Variants in SHROOM4 observed in about 807,000 individuals in gnomAD.
The protein encoded by SHROOM4 is protein Shroom4.
In SHROOM4, 17 loss-of-function variants were observed where a neutral mutation model predicts 80.3. That is an observed-to-expected ratio of 0.21 (90% CI 0.14 to 0.32). The LOEUF (loss-of-function observed/expected upper bound fraction) is 0.32. Among genes scored for constraint, SHROOM4 ranks in the 10% least tolerant of loss-of-function variants. SHROOM4 has a pLI of 1.00. For synonymous variants in SHROOM4, 400 were observed against 437.5 expected, an observed-to-expected ratio of 0.91 and a Z score of 1.07; for missense variants, 993 against 1,140.3, an observed-to-expected ratio of 0.87 and a Z score of 1.86.
rs192712786 is a variant in SHROOM4, at chrX:50,596,773, C to A, written c.4404G>T (p.Leu1468=). The A allele has an allele frequency of 2.5e-6, 3 of 1,211,959 alleles. No homozygotes were observed. Among genetic ancestry groups the A allele is most frequent in the Non-Finnish European group, 3.4e-6 (3 of 895,512 alleles). Residue 1468 remains leucine, a synonymous_variant, in exon 9 of 9, where the codon CTG becomes CTT. Transcript: ENST00000376020. Reference sequence around the variant, plus strand: ...CTTCCCCGAGCTTGATCTTCTCCTCCAGCTCTCGCTGTTCAATGATGAGAG... The same window carrying A: ...CTTCCCCGAGCTTGATCTTCTCCTCAAGCTCTCGCTGTTCAATGATGAGAG... The part of the protein sequence containing the change: ...KSALIIEQRE[L]EEKIKLGEEQ...
chrX:50,719,902 C>T (rs1320423569), intron 1 of SHROOM4, among the ~76,000 whole-genome samples: 3 of 112,188 alleles, frequency 2.7e-5, no homozygotes, highest in Middle Eastern at 4.2e-3. Context: ...AGCAAGGAAA[C>T]TTTTCTCCCT....
In SHROOM4 at chrX:50,773,572, T is replaced by C. The variant is rs187442800; in HGVS notation, c.117+40330A>G. On this transcript the variant is annotated intron_variant, in intron 1 of 8. Transcript: ENST00000376020. ...GAGTTTCAACGATTCATGATTTTTG[T>C]CTTATGTGCTAATTTTAGTACATGA... Among the ~76,000 whole-genome samples, 14 of 112,551 alleles carry C rather than the reference T, an allele frequency of 1.2e-4. No individual in the cohort carries two copies. In the East Asian group the frequency reaches 3.9e-3, roughly 31 times the overall value.
At chrX:50,706,849 C>G (rs782333270) in intron 1 of SHROOM4, among the ~76,000 whole-genome samples, 1 of 111,733 alleles carries the variant, frequency 8.9e-6, no homozygotes, top group Non-Finnish European at 1.9e-5. Flanking sequence ...AGGAATGGAG[C>G]CTTTAAGGAA....
chrX:50,810,190 G>A (rs1557273316), intron 1 of SHROOM4, among the ~76,000 whole-genome samples: 2 of 110,400 alleles, frequency 1.8e-5, no homozygotes, highest in African/African-American at 6.6e-5. Flanking sequence ...CTGTCGGGGG[G>A]TACTATACAA....
downstream of SHROOM4, among the ~76,000 whole-genome samples, chrX:50,582,097 C>T (rs1928677163): frequency 8.9e-6 from 1 of 111,846 alleles, no homozygotes; most frequent in Non-Finnish European, 1.9e-5. Context: ...GGATGTCACT[C>T]CTGTGATTAC....
intron 6 of SHROOM4, 63 bp downstream of exon 6, chrX:50,607,318 G>T: frequency 8.7e-7 from 1 of 1,154,567 alleles, no homozygotes; most frequent in Non-Finnish European, 1.2e-6. Context: ...AAATAGTGGA[G>T]GTAAAATTCA....
intron 1 of SHROOM4, among the ~76,000 whole-genome samples, chrX:50,782,165 G>A (rs782645308): frequency 6.8e-4 from 75 of 109,816 alleles, no homozygotes; most frequent in Admixed American, 1.2e-3. Context: ...CTGAGATCAC[G>A]CCACTGCACT....
intron 2 of SHROOM4, among the ~76,000 whole-genome samples, chrX:50,655,535 T>C (rs1340793591): frequency 1.9e-5 from 2 of 106,984 alleles, no homozygotes; most frequent in African/African-American, 6.7e-5. Flanking sequence ...GAAATATATA[T>C]TATATATAAC....
intron 2 of SHROOM4, among the ~76,000 whole-genome samples, chrX:50,676,554 T>A (rs1174602929): frequency 1.8e-5 from 2 of 111,319 alleles, no homozygotes; most frequent in African/African-American, 6.5e-5. Context: ...TTGAATAATC[T>A]TGATTCTTTC....
intron 1 of SHROOM4, among the ~76,000 whole-genome samples, chrX:50,751,561 G>T (rs969595529): frequency 7.2e-5 from 8 of 111,632 alleles, no homozygotes; most frequent in Admixed American, 9.5e-5. Flanking sequence ...GCAACATGGG[G>T]CTGTGTTGTT....
chrX:50,710,636 C>G (rs1933791462), intron 1 of SHROOM4, among the ~76,000 whole-genome samples: 1 of 111,220 alleles, frequency 9.0e-6, no homozygotes, highest in African/African-American at 3.3e-5. Flanking sequence ...CGTAACAAAC[C>G]TGCACATGTA....
chrX:50,742,143 C>T (rs1388156784), intron 1 of SHROOM4, among the ~76,000 whole-genome samples: 5 of 110,202 alleles, frequency 4.5e-5, no homozygotes, highest in Middle Eastern at 4.3e-3. Flanking sequence ...TATTATACCT[C>T]CTTTCACTTC....
At chrX:50,687,354 T>G (rs782439344) in intron 2 of SHROOM4, among the ~76,000 whole-genome samples, 5 of 110,242 alleles carry the variant, frequency 4.5e-5, no homozygotes, top group African/African-American at 1.7e-4. Context: ...CAATAAAATG[T>G]TAATTGGAAA....
intron 2 of SHROOM4, among the ~76,000 whole-genome samples, chrX:50,659,832 A>T (rs1297540274): frequency 3.6e-5 from 4 of 112,151 alleles, no homozygotes; most frequent in African/African-American, 1.3e-4. Flanking sequence ...ATAATGGGAC[A>T]CAGAAAAGGC....
At chrX:50,754,132 C>T (rs1244580506) in intron 1 of SHROOM4, among the ~76,000 whole-genome samples, 1 of 112,028 alleles carries the variant, frequency 8.9e-6, no homozygotes, top group African/African-American at 3.2e-5. Context: ...ATCCAGGTAA[C>T]ATCATTTTTC....
chrX:50,740,106 C>G (rs1300294139), intron 1 of SHROOM4, among the ~76,000 whole-genome samples: 1 of 76,267 alleles, frequency 1.3e-5, no homozygotes, highest in Admixed American at 1.6e-4. Context: ...ACCGCATGTT[C>G]TCACTCATAG....
At chrX:50,768,241 T>C (rs938844361) in intron 1 of SHROOM4, among the ~76,000 whole-genome samples, 18 of 111,935 alleles carry the variant, frequency 1.6e-4, no homozygotes, top group African/African-American at 5.8e-4. Context: ...AAGACTTGGA[T>C]ACCATTCCTA....
intron 1 of SHROOM4, among the ~76,000 whole-genome samples, chrX:50,722,253 T>G (rs1934130520): frequency 9.2e-6 from 1 of 108,617 alleles, no homozygotes; most frequent in Non-Finnish European, 1.9e-5. Context: ...AGGAGGGAAA[T>G]CTAGTATGGG....
rs782542613 is a variant in SHROOM4, at chrX:50,633,476, A to C, written c.2597T>G (p.Leu866Arg). The part of the protein sequence containing the change: ...TYSECFASKG[L>R]ENSMCCKPLH... ...TGGCTTACAACACATGGAATTTTCTAGACCTTTGCTTGCAAAACATTCTGA... is the reference window on the plus strand; with the variant it reads ...TGGCTTACAACACATGGAATTTTCTCGACCTTTGCTTGCAAAACATTCTGA... The change falls in exon 4 of 9, where the codon CTA becomes CGA. Residue 866 changes from leucine (L) to arginine (R), a missense_variant. By Grantham distance (102) the Leu-to-Arg change is moderately radical. Transcript: ENST00000376020. The C allele has an allele frequency of 8.3e-7, 1 of 1,211,979 alleles. No homozygotes were observed. Among genetic ancestry groups the C allele is most frequent in the South Asian group, 1.8e-5 (1 of 56,996 alleles).
Sources: gnomAD v4.1 joint callset for allele counts (sites outside exome capture counted in the v4.1 genomes callset) on GRCh38, gnomAD v4.1.1 for gene constraint, MANE v1.5 for transcripts, NCBI Gene and HGNC (gene_info 2026-07-23, HGNC 2026-07-21) for gene names.